Variants in NBEA observed in about 807,000 individuals in gnomAD.
NBEA encodes the protein lysosomal-trafficking regulator 2.
In NBEA, 44 loss-of-function variants were observed where a neutral mutation model predicts 343.4. The observed-to-expected ratio is 0.13, with a 90% CI of 0.10 to 0.16. NBEA has a LOEUF of 0.16. NBEA is among the 10% of genes least tolerant of loss of function. NBEA has a pLI of 1.00. For synonymous variants in NBEA, 1,175 were observed against 1,238.7 expected (o/e 0.95, Z 1.08); for missense variants, 2,555 against 3,631.3 (o/e 0.70, Z 7.62).
intron 41 of NBEA, among the ~76,000 whole-genome samples, chr13:35,537,671 G>A (rs1566285291): frequency 6.6e-6 from 1 of 152,116 alleles, no homozygotes; most frequent in Non-Finnish European, 1.5e-5. Flanking sequence ...CCTTGAAGAT[G>A]AGTAGAAGTG....
intron 16 of NBEA, among the ~76,000 whole-genome samples, chr13:35,122,306 A>G (rs1218333041): frequency 6.6e-6 from 1 of 152,164 alleles, no homozygotes; most frequent in African/African-American, 2.4e-5. Flanking sequence ...AATAGCAAAG[A>G]CTTGGAACCA....
chr13:35,517,349 T>C (rs1276543629), intron 41 of NBEA, among the ~76,000 whole-genome samples: 2 of 152,212 alleles, frequency 1.3e-5, no homozygotes, highest in African/African-American at 4.8e-5. Flanking sequence ...CCAAAGGTAC[T>C]TCTCTAGTCT....
chr13:35,036,689 G>A (rs1430761380), intron 1 of NBEA, among the ~76,000 whole-genome samples: 1 of 152,000 alleles, frequency 6.6e-6, no homozygotes, highest in African/African-American at 2.4e-5. Flanking sequence ...AGGGTAAAAG[G>A]ATTTTTCCTT....
chr13:35,464,915 GTGAA>G lies in NBEA; in HGVS notation c.6449-7470_6449-7467del, dbSNP rs201147139. On this transcript the variant is annotated intron_variant, in intron 40 of 58. Transcript: ENST00000379939. ...CTACTCATTAATTTTCGTTGACTAC[GTGAA>G]TGAATGAATGAATGCTGAATTAAAT... 1.7e-3 allele frequency among the ~76,000 whole-genome samples: 254 copies of G among 152,064 alleles called. 10 individuals are homozygous for G. In the East Asian group the frequency reaches 0.043, roughly 25 times the overall value.
intron 12 of NBEA, among the ~76,000 whole-genome samples, chr13:35,110,373 T>G (rs2066140801): frequency 6.6e-6 from 1 of 152,102 alleles, no homozygotes; most frequent in South Asian, 2.1e-4. Context: ...AATTTGAAAT[T>G]GCATGAACTT....
In NBEA at chr13:35,211,184, G is replaced by C; in HGVS notation, c.5648+5G>C. On this transcript the variant is annotated splice_donor_5th_base_variant and intron_variant, in intron 33 of 58. Coordinates refer to ENST00000379939, the MANE Select transcript of NBEA (RefSeq NM_001385012.1). ...AGATTCAGCTGAAAATATGAGGTAT[G>C]CATGACTACTTTTTATTCATTTTAA... The C allele has an allele frequency of 6.5e-7, 1 of 1,546,804 alleles. No homozygotes were observed. The highest frequency in any genetic ancestry group is 2.0e-5 in the Admixed American group (1 of 49,508).
chr13:35,058,093 C>T (rs2063334493), intron 7 of NBEA, among the ~76,000 whole-genome samples: 1 of 152,042 alleles, frequency 6.6e-6, no homozygotes, highest in Admixed American at 6.6e-5. Context: ...AAAGATCAAG[C>T]TTTTGGCTTC....
intron 39 of NBEA, among the ~76,000 whole-genome samples, chr13:35,448,354 A>G (rs1306031421): frequency 6.6e-6 from 1 of 152,208 alleles, no homozygotes. Context: ...GCTTTATTAG[A>G]TTACTCACAC....
chr13:35,505,567 T>A (rs1241483757), intron 41 of NBEA, among the ~76,000 whole-genome samples: 14 of 152,220 alleles, frequency 9.2e-5, no homozygotes, highest in Admixed American at 9.2e-4. Context: ...GGGATACATC[T>A]ATGCCTAAGC....
At chr13:35,585,543 T>G (rs2081258303) in intron 46 of NBEA, among the ~76,000 whole-genome samples, 1 of 152,082 alleles carries the variant, frequency 6.6e-6, no homozygotes, top group African/African-American at 2.4e-5. Flanking sequence ...TTCTACAGGA[T>G]TTTTCTTTAT....
chr13:35,521,382 G>T (rs182242621), intron 41 of NBEA, among the ~76,000 whole-genome samples: 21 of 152,168 alleles, frequency 1.4e-4, no homozygotes, highest in Non-Finnish European at 2.8e-4. Context: ...GAATATTCAG[G>T]AATCATTTGG....
At chr13:35,277,797 T>C (rs926583706) in intron 34 of NBEA, among the ~76,000 whole-genome samples, 1 of 151,680 alleles carries the variant, frequency 6.6e-6, no homozygotes, top group Non-Finnish European at 1.5e-5. Flanking sequence ...AATTAAAATA[T>C]GATTTAGAGT....
chr13:34,953,185 T>G (rs1253977616), intron 1 of NBEA, among the ~76,000 whole-genome samples: 2 of 152,230 alleles, frequency 1.3e-5, no homozygotes, highest in African/African-American at 4.8e-5. Flanking sequence ...ATTGTCTTTT[T>G]AAGCTAAGCA....
intron 10 of NBEA, among the ~76,000 whole-genome samples, chr13:35,079,542 T>C (rs1422763945): frequency 1.3e-5 from 2 of 152,114 alleles, no homozygotes; most frequent in African/African-American, 4.8e-5. Context: ...GTAAAGAATA[T>C]AGGTCTCAAT....
At chr13:35,331,622 G>A (rs2038931755) in intron 36 of NBEA, among the ~76,000 whole-genome samples, 1 of 152,004 alleles carries the variant, frequency 6.6e-6, no homozygotes, top group South Asian at 2.1e-4. Context: ...TCAAAGACAT[G>A]CATTTAAAAG....
At position 35,555,043 on chromosome 13, in the gene NBEA, G is replaced by A. The variant is rs745768265; in HGVS notation, c.6863G>A (p.Arg2288His). ...TATAAATCTTCCAATATGACTCAGC[G>A]CTGGCAAAGAAGGGAAATTTCAAAC... ...QLYKSSNMTQ[R>H]WQRREISNFE... The change falls in exon 44 of 59, where the codon CGC (arginine) becomes CAC (histidine). Residue 2288 changes from arginine to histidine, a missense_variant. Arg to His is a conservative substitution (Grantham distance 29). Transcript: ENST00000379939. 2.5e-6 allele frequency: 4 copies of A among 1,612,390 alleles called. No individual in the cohort carries two copies. Among genetic ancestry groups the A allele is most frequent in the African/African-American group, 1.3e-5 (1 of 74,970 alleles).
intron 10 of NBEA, 90 bp downstream of exon 10, chr13:35,070,942 G>A (rs2063842270): frequency 2.2e-6 from 3 of 1,361,960 alleles, no homozygotes; most frequent in Non-Finnish European, 2.9e-6. Flanking sequence ...ATGTATTACA[G>A]TATTTGGGTT....
intron 36 of NBEA, among the ~76,000 whole-genome samples, chr13:35,344,491 C>G (rs2039763051): frequency 6.6e-6 from 1 of 151,006 alleles, no homozygotes; most frequent in African/African-American, 2.4e-5. Context: ...TATTCATTAA[C>G]TAATAATAAA....
intron 1 of NBEA, among the ~76,000 whole-genome samples, chr13:34,970,488 G>A (rs2059963634): frequency 6.6e-6 from 1 of 152,010 alleles, no homozygotes; most frequent in African/African-American, 2.4e-5. Flanking sequence ...TGCCTAGGTT[G>A]TCTTTCACAG....
Sources: allele counts gnomAD v4.1 joint callset (sites outside exome capture counted in the v4.1 genomes callset), GRCh38; gene constraint gnomAD v4.1.1; transcripts MANE v1.5; gene names NCBI Gene and HGNC (gene_info 2026-07-23, HGNC 2026-07-21).